Variants in RAP1GDS1 observed in about 807,000 individuals in gnomAD.
RAP1GDS1 encodes the protein RAP1, GTP-GDP dissociation stimulator 1.
In RAP1GDS1, 35 loss-of-function variants were observed where a neutral mutation model predicts 71.1. The observed-to-expected ratio is 0.49, with a 90% CI of 0.38 to 0.65. The LOEUF is 0.65. RAP1GDS1 is among the 30% of genes least tolerant of loss of function. The probability of loss-of-function intolerance (pLI) is 0.00; values close to 1 mark genes in which losing one functional copy is unlikely to be tolerated. For synonymous variants in RAP1GDS1, 229 were observed against 243.1 expected (o/e 0.94, Z 0.54); for missense variants, 663 against 706.1 (o/e 0.94, Z 0.69).
chr4:98,391,910 AAC>A (rs1391482447), intron 5 of RAP1GDS1, 40 bp from the exon 6 acceptor site: 2 of 1,535,884 alleles, frequency 1.3e-6, no homozygotes, highest in African/African-American at 2.8e-5. Context: ...TTGACATGTC[AAC>A]ACTTTCTTTT....
rs757025681 is a variant in RAP1GDS1 at position 98,437,024 on chromosome 4, T to C, written c.1652T>C (p.Ile551Thr). The C allele has an allele frequency of 6.2e-7, 1 of 1,612,614 alleles. No homozygotes were observed. The highest frequency in any genetic ancestry group is 8.5e-7 in the Non-Finnish European group (1 of 1,179,644). ...GCAGATGAGAGAAGTGCTCCTGAAA[T>C]CAAATATAATTCCATGGTCCTGATA... ...LLADERSAPE[I>T]KYNSMVLICA... The change falls in exon 14 of 15, where the codon ATC (isoleucine) becomes ACC (threonine). Residue 551 changes from isoleucine (I) to threonine (T), a missense_variant. By Grantham distance (89) the Ile-to-Thr change is moderately conservative (BLOSUM62 -1). Coordinates refer to ENST00000408927, the MANE Select transcript of RAP1GDS1 (RefSeq NM_001100427.2).
intron 4 of RAP1GDS1, among the ~76,000 whole-genome samples, chr4:98,362,585 A>G (rs1257117908): frequency 1.9e-5 from 2 of 107,920 alleles, no homozygotes; most frequent in Non-Finnish European, 3.4e-5. Context: ...AGGAATGGGA[A>G]AAAAAAAGCC....
chr4:98,325,305 C>T (rs1477523051), intron 2 of RAP1GDS1, among the ~76,000 whole-genome samples: 1,825 of 150,826 alleles, frequency 0.012, 37 homozygotes, highest in African/African-American at 0.043. Flanking sequence ...GAAATAGGAA[C>T]ACTTTTACAC....
At chr4:98,360,492 ATCT>A (rs1253423219) in intron 4 of RAP1GDS1, among the ~76,000 whole-genome samples, 1 of 152,028 alleles carries the variant, frequency 6.6e-6, no homozygotes, top group African/African-American at 2.4e-5. Flanking sequence ...TTTTGTCTAA[ATCT>A]GTTTTTTCCC....
chr4:98,409,684 C>T (rs1746729160), intron 7 of RAP1GDS1: 2 of 415,614 alleles, frequency 4.8e-6, no homozygotes, highest in South Asian at 4.3e-5. Context: ...GTCTGTTCCA[C>T]CTAGAGAAGC....
At chr4:98,413,371 TC>T (rs1275754104) in intron 7 of RAP1GDS1, among the ~76,000 whole-genome samples, 6 of 142,694 alleles carry the variant, frequency 4.2e-5, no homozygotes, top group African/African-American at 7.9e-5. Context: ...CCCTCCCCGC[TC>T]CCCCCACCCC....
intron 4 of RAP1GDS1, among the ~76,000 whole-genome samples, chr4:98,364,086 T>G (rs1041678125): frequency 6.6e-6 from 1 of 152,112 alleles, no homozygotes; most frequent in Non-Finnish European, 1.5e-5. Flanking sequence ...AGTCTGAGAT[T>G]CTTCATAGAG....
chr4:98,387,421 A>G (rs752230879), intron 5 of RAP1GDS1: 80 of 455,790 alleles, frequency 1.8e-4, no homozygotes, highest in Non-Finnish European at 3.1e-4. Context: ...CCTCAACTTG[A>G]GATCTTCTCT....
At chr4:98,367,212 C>T (rs1224702006) in intron 4 of RAP1GDS1, among the ~76,000 whole-genome samples, 1 of 152,192 alleles carries the variant, frequency 6.6e-6, no homozygotes, top group African/African-American at 2.4e-5. Context: ...ACAGCTCAGG[C>T]TGTGGCTTCA....
chr4:98,316,431 G>A (rs1321200287), intron 2 of RAP1GDS1, among the ~76,000 whole-genome samples: 1 of 152,152 alleles, frequency 6.6e-6, no homozygotes, highest in Non-Finnish European at 1.5e-5. Context: ...TCATATTGTG[G>A]TGGATTGTTA....
Position 98,443,015 on chromosome 4 carries a change from A to ATTTTTTTTTCTTTTTTTTTTTTT in RAP1GDS1, c.*907_*908insCTTTTTTTTTTTTTTTTTTTTTT, listed in dbSNP as rs543199019. The ATTTTTTTTTCTTTTTTTTTTTTT allele has an allele frequency of 3.9e-3, 539 of 138,074 alleles. 10 individuals carry two copies. Among genetic ancestry groups the ATTTTTTTTTCTTTTTTTTTTTTT allele is most frequent in the Middle Eastern group, 7.4e-3 (3 of 404 alleles). 8.6% of individuals were successfully genotyped at this position (138,074 alleles called of 1,614,324 possible). A position where few individuals can be genotyped will look rare whatever the true frequency, so the allele number is the denominator to read the frequency against. On this transcript the variant is annotated 3_prime_UTR_variant, in exon 15 of 15. Coordinates refer to ENST00000408927, the MANE Select transcript of RAP1GDS1 (RefSeq NM_001100427.2). ...TGAGTATAGTTCATTGAAGAATGGAATTTTTTTTTTTTTTTTTTTTTTTGC... is the reference window on the plus strand; with the variant it reads ...TGAGTATAGTTCATTGAAGAATGGAATTTTTTTTTCTTTTTTTTTTTTTTTTTTTTTTTTTTTTTTTTTTTTGC...
chr4:98,332,774 A>C (rs1560853637), intron 2 of RAP1GDS1, among the ~76,000 whole-genome samples: 2 of 152,214 alleles, frequency 1.3e-5, no homozygotes, highest in African/African-American at 2.4e-5. Context: ...CAGTACTTCC[A>C]AGAAAACCTT....
chr4:98,364,522 T>G (rs1344191611), intron 4 of RAP1GDS1, among the ~76,000 whole-genome samples: 1 of 152,150 alleles, frequency 6.6e-6, no homozygotes, highest in Non-Finnish European at 1.5e-5. Context: ...ACATTTATGC[T>G]TCAGTGTGAA....
intron 2 of RAP1GDS1, among the ~76,000 whole-genome samples, chr4:98,297,791 C>T (rs1019617775): frequency 2.6e-5 from 4 of 152,122 alleles, no homozygotes; most frequent in Non-Finnish European, 5.9e-5. Context: ...GGAAGAGTCA[C>T]ATCTCTCTCA....
intron 7 of RAP1GDS1, among the ~76,000 whole-genome samples, chr4:98,411,967 A>G (rs1747131769): frequency 6.6e-6 from 1 of 152,206 alleles, no homozygotes; most frequent in Non-Finnish European, 1.5e-5. Context: ...GTACCTTTTA[A>G]AGAAATATTC....
chr4:98,435,732 A>T (rs534424770), intron 13 of RAP1GDS1, among the ~76,000 whole-genome samples: 38 of 152,086 alleles, frequency 2.5e-4, no homozygotes, highest in African/African-American at 9.2e-4. Flanking sequence ...AGTTCTTTAT[A>T]TATTCTAAAA....
At chr4:98,343,661 T>C (rs546972541) in intron 3 of RAP1GDS1, among the ~76,000 whole-genome samples, 2 of 152,228 alleles carry the variant, frequency 1.3e-5, no homozygotes, top group Non-Finnish European at 2.9e-5. Context: ...TTTGGCCTAT[T>C]GTTCCGACAT....
chr4:98,409,479 T>C (rs7671104), intron 7 of RAP1GDS1: 70,692 of 154,368 alleles, frequency 0.46, 17,891 homozygotes, highest in African/African-American at 0.7. Flanking sequence ...CAAGAGTCTA[T>C]GGTGTTACCC....
intron 6 of RAP1GDS1, among the ~76,000 whole-genome samples, chr4:98,397,195 T>C (rs1161589854): frequency 6.6e-6 from 1 of 152,196 alleles, no homozygotes; most frequent in African/African-American, 2.4e-5. Context: ...TTTTGTTCCC[T>C]TCGAGTCCCA....
Sources: allele counts gnomAD v4.1 joint callset (sites outside exome capture counted in the v4.1 genomes callset), GRCh38; gene constraint gnomAD v4.1.1; transcripts MANE v1.5; gene names NCBI Gene and HGNC (gene_info 2026-07-23, HGNC 2026-07-21).